Variants in PELI2 observed in about 807,000 individuals in gnomAD.
PELI2 encodes pellino E3 ubiquitin protein ligase family member 2, also known as E3 ubiquitin-protein ligase pellino homolog 2.
In PELI2, 23 loss-of-function variants were observed where a neutral mutation model predicts 42.3. The ratio of observed to expected loss-of-function variants is 0.54; its 90% CI spans 0.39 to 0.77. The LOEUF (loss-of-function observed/expected upper bound fraction) is 0.77, where lower values mean the gene tolerates loss of function less well. Among genes scored for constraint, PELI2 ranks in the 30% least tolerant of loss-of-function variants. The probability of loss-of-function intolerance (pLI) is 0.00; values close to 1 mark genes in which losing one functional copy is unlikely to be tolerated. For synonymous variants in PELI2, 245 were observed against 212.2 expected (o/e 1.15, Z -1.34); for missense variants, 463 against 553.2 (o/e 0.84, Z 1.64).
rs1369124280 is a variant in PELI2 at position 56,297,194 on chromosome 14, T to C, written c.*28T>C. On this transcript the variant is annotated 3_prime_UTR_variant, in exon 6 of 6. Coordinates refer to ENST00000267460, the MANE Select transcript of PELI2 (RefSeq NM_021255.3). ...CCCTTGACAGCCATCTACGACTTTA[T>C]TAACAGGTTACTGTGAAGATTTTGC... is the stretch of plus-strand genomic sequence containing the variant. The C allele has an allele frequency of 6.7e-7, 1 of 1,499,476 alleles. No individual in the cohort carries two copies. Among genetic ancestry groups the C allele is most frequent in the Non-Finnish European group, 9.1e-7 (1 of 1,100,534 alleles). 92.9% of individuals were successfully genotyped at this position (1,499,476 alleles called of 1,614,324 possible).
intron 1 of PELI2, among the ~76,000 whole-genome samples, chr14:56,161,435 C>T (rs1884762104): frequency 6.6e-6 from 1 of 152,074 alleles, no homozygotes; most frequent in Non-Finnish European, 1.5e-5. Flanking sequence ...CCACCACACC[C>T]AGCTAAGTTT....
intron 1 of PELI2, among the ~76,000 whole-genome samples, chr14:56,142,935 A>C (rs1024926206): frequency 5.3e-5 from 8 of 152,144 alleles, no homozygotes; most frequent in Non-Finnish European, 4.4e-5. Context: ...TGCTTCTTCT[A>C]ATATCAGTTT....
intron 1 of PELI2, among the ~76,000 whole-genome samples, chr14:56,159,787 C>G (rs1395625134): frequency 2.6e-5 from 4 of 152,132 alleles, no homozygotes; most frequent in Admixed American, 6.5e-5. Context: ...ACATAAATAG[C>G]CTTCCTGATT....
chr14:56,169,129 G>A (rs575010070), intron 1 of PELI2, among the ~76,000 whole-genome samples: 21 of 152,276 alleles, frequency 1.4e-4, no homozygotes, highest in African/African-American at 4.8e-4. Flanking sequence ...GGAGCCACAA[G>A]CTGTGCAGCC....
At chr14:56,228,123 C>A (rs752161702) in intron 2 of PELI2, among the ~76,000 whole-genome samples, 11 of 152,186 alleles carry the variant, frequency 7.2e-5, no homozygotes, top group Non-Finnish European at 1.5e-4. Flanking sequence ...AGGCTCCTGC[C>A]CTGTAAAACT....
At chr14:56,213,480 G>T (rs1276742423) in intron 2 of PELI2, among the ~76,000 whole-genome samples, 3 of 152,182 alleles carry the variant, frequency 2.0e-5, no homozygotes, top group African/African-American at 7.2e-5. Flanking sequence ...GCAGTTCCTG[G>T]AGACAGAAAG....
intron 2 of PELI2, among the ~76,000 whole-genome samples, chr14:56,218,824 G>T (rs1594650541): frequency 6.6e-6 from 1 of 152,320 alleles, no homozygotes; most frequent in East Asian, 1.9e-4. Context: ...CTATTGGTCT[G>T]AAACTGTGTT....
intron 2 of PELI2, among the ~76,000 whole-genome samples, chr14:56,230,672 C>T (rs1887527826): frequency 6.6e-6 from 1 of 152,178 alleles, no homozygotes; most frequent in Non-Finnish European, 1.5e-5. Flanking sequence ...ACCATTGATG[C>T]TAGGAAGAAA....
intron 2 of PELI2, among the ~76,000 whole-genome samples, chr14:56,261,262 G>T (rs1888706490): frequency 6.6e-6 from 1 of 152,122 alleles, no homozygotes; most frequent in African/African-American, 2.4e-5. Flanking sequence ...AGATTCAATG[G>T]CCACTCATTT....
chr14:56,252,113 C>G (rs143853040), intron 2 of PELI2, among the ~76,000 whole-genome samples: 9 of 152,304 alleles, frequency 5.9e-5, no homozygotes, highest in Admixed American at 2.0e-4. Context: ...ACTGAATGCT[C>G]TCTGTACCAG....
At chr14:56,194,471 C>T (rs1317502209) in intron 2 of PELI2, among the ~76,000 whole-genome samples, 1 of 152,222 alleles carries the variant, frequency 6.6e-6, no homozygotes, top group Non-Finnish European at 1.5e-5. Context: ...CACCAGTCGC[C>T]ATCCCTAGCA....
rs1887036667 is a variant in PELI2 at position 56,219,271 on chromosome 14, C to T, written c.207+40807C>T. 6.6e-6 allele frequency among the ~76,000 whole-genome samples: 1 copy of T among 151,962 alleles called. No homozygotes were observed. Among genetic ancestry groups the T allele is most frequent in the African/African-American group, 2.4e-5 (1 of 41,350 alleles). ...GGAAGAAGACAGAAGGAAGAAGCTCCCCCGTACAGAGACAGATGGGGGCTC... is the reference window on the plus strand; with the variant it reads ...GGAAGAAGACAGAAGGAAGAAGCTCTCCCGTACAGAGACAGATGGGGGCTC... On this transcript the variant is annotated intron_variant, in intron 2 of 5. Transcript: ENST00000267460. The surrounding 1 kb of genome is among the most constrained non-coding windows in gnomAD (Gnocchi z 4.1).
Position 56,300,813 on chromosome 14 carries a change from T to G in PELI2, c.*3647T>G, listed in dbSNP as rs1004175355. 2.0e-5 allele frequency: 3 copies of G among 152,206 alleles called. No homozygotes were observed. The highest frequency in any genetic ancestry group is 2.0e-4 in the Admixed American group (3 of 15,290). The allele number at this position is 152,206 out of a possible 1,614,324, so 9.4% of individuals were successfully genotyped here. On this transcript the variant is annotated 3_prime_UTR_variant, in exon 6 of 6. Coordinates refer to ENST00000267460, the MANE Select transcript of PELI2 (RefSeq NM_021255.3). ...GTAGTTTAGCCTTTGTGGCTTAGGT[T>G]ATGATGCGCCTCCTTCTGTGCGACC...
chr14:56,213,283 A>G (rs1175532961), intron 2 of PELI2, among the ~76,000 whole-genome samples: 2 of 152,214 alleles, frequency 1.3e-5, no homozygotes, highest in Non-Finnish European at 2.9e-5. Flanking sequence ...AGTTTTTATC[A>G]TCATGAATTA....
At chr14:56,271,534 G>A (rs955374767) in intron 2 of PELI2, among the ~76,000 whole-genome samples, 9 of 152,184 alleles carry the variant, frequency 5.9e-5, no homozygotes, top group Non-Finnish European at 1.5e-5. Context: ...ATAGTGGACT[G>A]AAATATTAAA....
chr14:56,284,364 T>C (rs1211303453), intron 3 of PELI2, among the ~76,000 whole-genome samples: 1 of 152,110 alleles, frequency 6.6e-6, no homozygotes, highest in Non-Finnish European at 1.5e-5. Context: ...GAGGGGTGCA[T>C]TGTCTTTACA....
chr14:56,293,600 A>G (rs1054362683), intron 5 of PELI2, among the ~76,000 whole-genome samples: 3 of 152,182 alleles, frequency 2.0e-5, no homozygotes, highest in African/African-American at 4.8e-5. Context: ...CAGGGGTTGC[A>G]AACTGGGGAT....
chr14:56,118,563 C>G lies in PELI2; in HGVS notation c.-98C>G, dbSNP rs1367891563. 1.6e-5 allele frequency: 12 copies of G among 733,500 alleles called. No homozygotes were observed. The highest frequency in any genetic ancestry group is 4.5e-5 in the Admixed American group (1 of 21,980). 45.4% of individuals were successfully genotyped at this position (733,500 alleles called of 1,614,324 possible). On this transcript the variant is annotated 5_prime_UTR_variant, in exon 1 of 6. Transcript: ENST00000267460. Reference sequence around the variant, plus strand: ...GTGCCCTTCCCCGGCGCGCTCACCCCGTTCTCGGGATGGGATTGTAGCGGC... The same window carrying G: ...GTGCCCTTCCCCGGCGCGCTCACCCGGTTCTCGGGATGGGATTGTAGCGGC...
intron 2 of PELI2, among the ~76,000 whole-genome samples, chr14:56,211,805 T>G (rs1886722420): frequency 6.6e-6 from 1 of 152,118 alleles, no homozygotes; most frequent in Non-Finnish European, 1.5e-5. Flanking sequence ...AAAGGCTCTT[T>G]TTTTTTTACT....
Sources: allele counts gnomAD v4.1 joint callset (sites outside exome capture counted in the v4.1 genomes callset), GRCh38; gene constraint gnomAD v4.1.1; non-coding constraint Gnocchi (gnomAD v3.1); transcripts MANE v1.5; gene names NCBI Gene and HGNC (gene_info 2026-07-23, HGNC 2026-07-21).